OTUD7A: variants seen among roughly 807,000 people sequenced by gnomAD.
OTUD7A encodes the protein OTU deubiquitinase 7A, also known as OTU domain-containing protein 7A.
In OTUD7A, 12 loss-of-function variants were observed where a neutral mutation model predicts 65.7. The ratio of observed to expected loss-of-function variants is 0.18; its 90% CI spans 0.12 to 0.30. OTUD7A has a LOEUF of 0.30. Ranked by LOEUF, OTUD7A falls within the 10% of genes least tolerant of loss-of-function variation. The probability of loss-of-function intolerance (pLI) is 1.00; values close to 1 mark genes in which losing one functional copy is unlikely to be tolerated. For missense variants in OTUD7A, 1,148 were observed against 1,304.8 expected (o/e 0.88, Z 1.85); for synonymous variants, 641 against 586.3 (o/e 1.09, Z -1.35).
At chr15:31,630,734 A>C (rs1329326408) in intron 3 of OTUD7A, among the ~76,000 whole-genome samples, 1 of 152,088 alleles carries the variant, frequency 6.6e-6, no homozygotes, top group Non-Finnish European at 1.5e-5. Flanking sequence ...GTCTCTTTGT[A>C]GGTCACTCAG....
At chr15:31,587,040 G>A (rs547975394) in intron 3 of OTUD7A, among the ~76,000 whole-genome samples, 1 of 152,168 alleles carries the variant, frequency 6.6e-6, no homozygotes, top group East Asian at 1.9e-4. Context: ...TCCAGCTCCT[G>A]ACTCAACACC....
intron 1 of OTUD7A, among the ~76,000 whole-genome samples, chr15:31,848,137 G>A (rs1198560523): frequency 6.6e-6 from 1 of 152,224 alleles, no homozygotes; most frequent in African/African-American, 2.4e-5. Context: ...CACATTCAGT[G>A]AGGCAGGCTC....
At chr15:31,754,697 T>A (rs1224022704) in intron 1 of OTUD7A, among the ~76,000 whole-genome samples, 3 of 152,152 alleles carry the variant, frequency 2.0e-5, no homozygotes, top group African/African-American at 7.2e-5. Context: ...GGTTCTCTAT[T>A]CTGTTCCATT....
rs145581747 is a variant in OTUD7A, at chr15:31,796,142, C to CGTGTGTGTGTGTGTGTGTGTGT, written c.-100+74343_-100+74364dup. 1.0e-3 allele frequency among the ~76,000 whole-genome samples: 154 copies of CGTGTGTGTGTGTGTGTGTGTGT among 148,122 alleles called. 1 individual carries two copies. Among genetic ancestry groups the CGTGTGTGTGTGTGTGTGTGTGT allele is most frequent in the Admixed American group, 5.2e-3 (77 of 14,838 alleles). ...AGAGAAGCAGAACCAGTAAGGGGTG[C>CGTGTGTGTGTGTGTGTGTGTGT]GTGTGTGTGTGTGTGTGTGTGTGTA... On this transcript the variant is annotated intron_variant, in intron 1 of 12. Transcript: ENST00000307050.
chr15:31,811,187 CT>C (rs1896404710), intron 1 of OTUD7A, among the ~76,000 whole-genome samples: 1 of 151,996 alleles, frequency 6.6e-6, no homozygotes, highest in African/African-American at 2.4e-5. Flanking sequence ...AATAATACTT[CT>C]AGCTAGGGAG....
intron 1 of OTUD7A, among the ~76,000 whole-genome samples, chr15:31,834,237 G>A (rs1036643819): frequency 6.6e-6 from 1 of 152,166 alleles, no homozygotes; most frequent in African/African-American, 2.4e-5. Context: ...AACAAGGTTG[G>A]AGTTCACGGT....
intron 1 of OTUD7A, among the ~76,000 whole-genome samples, chr15:31,828,661 T>C (rs142604863): frequency 6.6e-6 from 1 of 152,320 alleles, no homozygotes; most frequent in East Asian, 1.9e-4. Flanking sequence ...TGAGAGAGTG[T>C]ATGGTTCTGA....
chr15:31,618,512 C>T lies in OTUD7A; in HGVS notation c.151+36584G>A, dbSNP rs1160668156. On this transcript the variant is annotated intron_variant, in intron 3 of 12. Transcript: ENST00000307050. ...GGTATCTCGTTGTGGTTTTGATTTG[C>T]ATTTCTCTGATGGCCAATGATGATG... Among the ~76,000 whole-genome samples the T allele has an allele frequency of 2.6e-5, 4 of 152,220 alleles. No individual in the cohort carries two copies. In the East Asian group the frequency reaches 7.7e-4, roughly 29 times the overall value.
intron 5 of OTUD7A, chr15:31,557,568 G>C (rs1217515952): frequency 6.6e-6 from 1 of 152,318 alleles, no homozygotes; most frequent in Non-Finnish European, 1.5e-5. Flanking sequence ...ACTGCCCGTG[G>C]CTATCTCCAT....
At chr15:31,746,078 A>G (rs563776350) in intron 1 of OTUD7A, among the ~76,000 whole-genome samples, 1 of 152,332 alleles carries the variant, frequency 6.6e-6, no homozygotes, top group East Asian at 1.9e-4. Flanking sequence ...TGCTTACATT[A>G]CTGGAGGGAA....
intron 1 of OTUD7A, among the ~76,000 whole-genome samples, chr15:31,797,760 C>T (rs945857606): frequency 6.6e-6 from 1 of 152,206 alleles, no homozygotes; most frequent in Non-Finnish European, 1.5e-5. Flanking sequence ...TTGCCACTGC[C>T]CCAACGAGTG....
rs1272475109 is a variant in OTUD7A, at chr15:31,479,007, T to C, written c.*4287A>G. On this transcript the variant is annotated 3_prime_UTR_variant, in exon 13 of 13. Transcript: ENST00000307050. ...GACTTGAATTAAACAAGAACAAAGC[T>C]GAGCGCTGGTCACTGCCCCGGCCAG... 1 of 152,300 alleles carries C rather than the reference T, an allele frequency of 6.6e-6. No individual in the cohort carries two copies. The highest frequency in any genetic ancestry group is 1.5e-5 in the Non-Finnish European group (1 of 68,132). The allele number at this position is 152,300 out of a possible 1,614,324, so 9.4% of individuals were successfully genotyped here.
At chr15:31,543,802 G>C (rs900491045) in intron 5 of OTUD7A, among the ~76,000 whole-genome samples, 8 of 151,834 alleles carry the variant, frequency 5.3e-5, no homozygotes, top group African/African-American at 1.9e-4. Flanking sequence ...CAATCATGAT[G>C]AAAGATTTTA....
At chr15:31,805,234 G>A (rs1896238384) in intron 1 of OTUD7A, among the ~76,000 whole-genome samples, 2 of 152,260 alleles carry the variant, frequency 1.3e-5, no homozygotes, top group East Asian at 1.9e-4. Flanking sequence ...TGAGGGAGGA[G>A]TAGTGAGCCT....
chr15:31,810,218 G>A (rs754497594), intron 1 of OTUD7A, among the ~76,000 whole-genome samples: 10 of 152,158 alleles, frequency 6.6e-5, no homozygotes, highest in Non-Finnish European at 1.3e-4. Flanking sequence ...GAAGGTGCAG[G>A]TGGGACAACA....
intron 1 of OTUD7A, among the ~76,000 whole-genome samples, chr15:31,772,279 G>C (rs367951303): frequency 2.6e-5 from 4 of 151,200 alleles, no homozygotes; most frequent in Admixed American, 6.6e-5. Context: ...AAATATTTTA[G>C]AGTGTTGATT....
At chr15:31,825,323 A>G (rs1401239383) in intron 1 of OTUD7A, among the ~76,000 whole-genome samples, 8 of 152,250 alleles carry the variant, frequency 5.3e-5, no homozygotes, top group Admixed American at 5.2e-4. Context: ...GCGGAAGGCA[A>G]AGAGGAGCAA....
At chr15:31,690,979 T>C (rs1159435930) in intron 1 of OTUD7A, among the ~76,000 whole-genome samples, 1 of 152,016 alleles carries the variant, frequency 6.6e-6, no homozygotes, top group East Asian at 1.9e-4. Flanking sequence ...AAGGACATTA[T>C]CAACAAAGTG....
At chr15:31,675,907 T>C (rs1892585452) in intron 1 of OTUD7A, among the ~76,000 whole-genome samples, 1 of 152,168 alleles carries the variant, frequency 6.6e-6, no homozygotes, top group Admixed American at 6.6e-5. Context: ...AGAACTTCAA[T>C]AAATGGATGG....
Sources: allele counts gnomAD v4.1 joint callset (sites outside exome capture counted in the v4.1 genomes callset), GRCh38; gene constraint gnomAD v4.1.1; transcripts MANE v1.5; gene names NCBI Gene and HGNC (gene_info 2026-07-23, HGNC 2026-07-21).